Variants in KHDC1 observed in about 807,000 individuals in gnomAD.
KHDC1 encodes KH homology domain-containing protein 1.
KHDC1 carries 21 observed loss-of-function variants against 24.7 expected under a neutral mutation model. That is an observed-to-expected ratio of 0.85 (90% CI 0.60 to 1.23). The LOEUF is 1.23. KHDC1 is among the 50% of genes most tolerant of loss of function. KHDC1 has a pLI of 0.00. For missense variants in KHDC1, 274 were observed against 298.5 expected (o/e 0.92, Z 0.61); for synonymous variants, 98 against 111.7 (o/e 0.88, Z 0.77).
At chr6:73,276,526 G>A (rs1767303287) in intron 2 of KHDC1, 1 of 151,338 alleles carries the variant, frequency 6.6e-6, no homozygotes, top group African/African-American at 2.4e-5. Flanking sequence ...AACTAGCCAG[G>A]CTTTGTAGCA....
intron 2 of KHDC1, among the ~76,000 whole-genome samples, chr6:73,262,466 A>C (rs1766996959): frequency 6.6e-6 from 1 of 152,230 alleles, no homozygotes; most frequent in South Asian, 2.1e-4. Flanking sequence ...TCATGCGATT[A>C]CTTTAAATGA....
intron 1 of KHDC1, among the ~76,000 whole-genome samples, chr6:73,305,819 C>A (rs902573739): frequency 6.6e-5 from 10 of 152,054 alleles, no homozygotes; most frequent in Non-Finnish European, 1.2e-4. Context: ...GCCACCACAC[C>A]CCGCTAATTT....
intron 2 of KHDC1, among the ~76,000 whole-genome samples, chr6:73,250,220 T>C (rs1766753049): frequency 2.0e-5 from 3 of 152,200 alleles, no homozygotes; most frequent in Non-Finnish European, 2.9e-5. Context: ...TTAGTGCTGA[T>C]GGACACTAAC....
At chr6:73,302,644 C>T (rs1017273497) in intron 1 of KHDC1, among the ~76,000 whole-genome samples, 2 of 152,192 alleles carry the variant, frequency 1.3e-5, no homozygotes, top group African/African-American at 4.8e-5. Flanking sequence ...TGTCACCATT[C>T]TGATGGTTAC....
At chr6:73,305,282 TAAA>T (rs1767942688) in intron 1 of KHDC1, among the ~76,000 whole-genome samples, 1 of 151,854 alleles carries the variant, frequency 6.6e-6, no homozygotes, top group Admixed American at 6.6e-5. Flanking sequence ...AGAGAGATAA[TAAA>T]GAAACAAATT....
In KHDC1 at chr6:73,242,251, AGGTGAGAGGAGGTTCTG is replaced by A. The variant is rs755490414; in HGVS notation, c.332-31_332-15del. 8.1e-6 allele frequency: 13 copies of A among 1,609,966 alleles called. No homozygotes were observed. The highest frequency in any genetic ancestry group is 1.7e-4 in the Middle Eastern group (1 of 5,892). ...TGTCACCATGCCCTGTGAGCATAAG[AGGTGAGAGGAGGTTCTG>A]TCAAGCACCAGCCCTTAGGGAATGG... On this transcript the variant is annotated splice_polypyrimidine_tract_variant and intron_variant, in intron 3 of 4. Transcript: ENST00000370384.
At chr6:73,269,827 G>C (rs1767148917) in intron 2 of KHDC1, 1 of 152,226 alleles carries the variant, frequency 6.6e-6, no homozygotes, top group Non-Finnish European at 1.5e-5. Flanking sequence ...GAGTGCAGTG[G>C]TGTGATCATA....
intron 1 of KHDC1, chr6:73,292,604 G>T: frequency 5.3e-6 from 4 of 760,918 alleles, no homozygotes; most frequent in South Asian, 4.1e-5. Context: ...AGCATGGCTC[G>T]TTCACTGGTC....
chr6:73,293,566 G>A (rs981788833), intron 1 of KHDC1, among the ~76,000 whole-genome samples: 1 of 152,152 alleles, frequency 6.6e-6, no homozygotes, highest in Non-Finnish European at 1.5e-5. Flanking sequence ...GATCTCTTGA[G>A]GCCAGGAGTT....
intron 1 of KHDC1, among the ~76,000 whole-genome samples, chr6:73,308,002 A>T (rs1229907785): frequency 2.6e-5 from 4 of 151,862 alleles, no homozygotes; most frequent in Non-Finnish European, 4.4e-5. Flanking sequence ...TCCCGGGCTC[A>T]AGCGATTCTC....
At chr6:73,296,226 G>A (rs1474645150) in intron 1 of KHDC1, among the ~76,000 whole-genome samples, 7 of 151,808 alleles carry the variant, frequency 4.6e-5, no homozygotes, top group Non-Finnish European at 8.8e-5. Context: ...AGGCCGAGGT[G>A]GGCAAATCAT....
chr6:73,245,627 A>G (rs1351959394), intron 2 of KHDC1, among the ~76,000 whole-genome samples: 1 of 152,216 alleles, frequency 6.6e-6, no homozygotes, highest in Non-Finnish European at 1.5e-5. Context: ...TCTCAAATTT[A>G]GTGTTAGAAT....
At position 73,292,718 on chromosome 6, in the gene KHDC1, A is replaced by G. The variant is rs1331416802; in HGVS notation, c.164-678T>C. 1.1e-5 allele frequency: 8 copies of G among 745,654 alleles called. No homozygotes were observed. In the African/African-American group the frequency reaches 1.4e-4, roughly 13 times the overall value. The allele number at this position is 745,654 out of a possible 1,614,324, so 46.2% of individuals were successfully genotyped here. On this transcript the variant is annotated intron_variant, in intron 1 of 4. Coordinates refer to ENST00000370384, the Ensembl canonical transcript of KHDC1. ...TCCACACATTCTTCACTATTTGACTACAGCAGTCATAGCAAACAAGGATGT... is the reference window on the plus strand; with the variant it reads ...TCCACACATTCTTCACTATTTGACTGCAGCAGTCATAGCAAACAAGGATGT...
intron 1 of KHDC1, among the ~76,000 whole-genome samples, chr6:73,297,319 ATT>A (rs1582587581): frequency 6.6e-6 from 1 of 151,998 alleles, no homozygotes; most frequent in African/African-American, 2.4e-5. Flanking sequence ...AATACAAATT[ATT>A]TTTTCTCCCA....
intron 2 of KHDC1, among the ~76,000 whole-genome samples, chr6:73,267,195 TG>T (rs34676503): frequency 0.28 from 42,063 of 151,886 alleles, 6,457 homozygotes; most frequent in African/African-American, 0.41. Context: ...ATCAAAAAAA[TG>T]GGGCCAAGCA....
At chr6:73,308,807 GTTGTTTTTTGTTGGT>G (rs1295401184) in intron 1 of KHDC1, among the ~76,000 whole-genome samples, 1 of 152,022 alleles carries the variant, frequency 6.6e-6, no homozygotes, top group Non-Finnish European at 1.5e-5. Context: ...GTTTTTTGCT[GTTGTTTTTTGTTGGT>G]TTGTTTTTTG....
At chr6:73,303,448 T>C (rs1767911301) in intron 1 of KHDC1, among the ~76,000 whole-genome samples, 2 of 152,144 alleles carry the variant, frequency 1.3e-5, no homozygotes, top group African/African-American at 4.8e-5. Context: ...AAACAAGATA[T>C]TTGCATAGTC....
intron 1 of KHDC1, chr6:73,301,103 C>T (rs1309518566): frequency 6.6e-6 from 1 of 152,162 alleles, no homozygotes; most frequent in African/African-American, 2.4e-5. Flanking sequence ...GTAGTCCCAG[C>T]TACTCAGGAG....
intron 1 of KHDC1, among the ~76,000 whole-genome samples, chr6:73,308,046 G>GTGCCTGC (rs1768002739): frequency 6.6e-6 from 1 of 150,760 alleles, no homozygotes. Flanking sequence ...GGGATTACAG[G>GTGCCTGC]CACCGCACCA....
Sources: allele counts gnomAD v4.1 joint callset (sites outside exome capture counted in the v4.1 genomes callset), GRCh38; gene constraint gnomAD v4.1.1; transcripts MANE v1.5; gene names NCBI Gene and HGNC (gene_info 2026-07-23, HGNC 2026-07-21).